DCAF6: variants seen among roughly 807,000 people sequenced by gnomAD.
The protein encoded by DCAF6 is DDB1 and CUL4 associated factor 6.
DCAF6 carries 54 observed loss-of-function variants against 125.1 expected under a neutral mutation model. That is an observed-to-expected ratio of 0.43 (90% CI 0.35 to 0.54). The LOEUF is 0.54. DCAF6 is among the 20% of genes least tolerant of loss of function. DCAF6 has a pLI of 0.01. For missense variants in DCAF6, 934 were observed against 1,161.7 expected (o/e 0.80, Z 2.85); for synonymous variants, 371 against 390.4 (o/e 0.95, Z 0.58).
intron 12 of DCAF6, among the ~76,000 whole-genome samples, chr1:168,033,304 C>CTTTTTTT (rs200401545): frequency 1.7e-5 from 2 of 119,790 alleles, no homozygotes; most frequent in Non-Finnish European, 3.4e-5. Context: ...TGAAAAGGAT[C>CTTTTTTT]TTTTTTTTTT....
Position 168,015,855 on chromosome 1 carries a change from C to CAG in DCAF6, c.1456_1457dup (p.Gln487GlyfsTer5). On this transcript the variant is annotated frameshift_variant, in exon 11 of 22. Transcript: ENST00000367840. LOFTEE classifies it high-confidence loss of function. Reference sequence around the variant, plus strand: ...ACTGAGGCTTAAGAAGGCTGAGCAGCAGAGGCAGCAAGAGCTAGCTGCACA... The same window carrying CAG: ...ACTGAGGCTTAAGAAGGCTGAGCAGCAGAGAGGCAGCAAGAGCTAGCTGCACA... The CAG allele has an allele frequency of 1.9e-6, 3 of 1,541,314 alleles. No homozygotes were observed. The highest frequency in any genetic ancestry group is 2.6e-6 in the Non-Finnish European group (3 of 1,142,326).
rs754963290 is a variant in DCAF6, at chr1:167,937,007, G to A, written c.96G>A (p.Leu32=). The change falls in exon 1 of 22, where the codon CTG becomes CTA. Residue 32 remains leucine (L), a splice_region_variant and synonymous_variant. Coordinates refer to ENST00000367840, the MANE Select transcript of DCAF6 (RefSeq NM_001198956.2). ...CGTCCCGGCTGCGGAGTCGCTACCT[G>A]GGTGAGCGGGGGCCCCGGGGCGGAG... is the stretch of plus-strand genomic sequence containing the variant. ...EDPSRLRSRY[L]GRREFIQRLK... 6.2e-7 allele frequency: 1 copy of A among 1,607,098 alleles called. No individual in the cohort carries two copies. Among genetic ancestry groups the A allele is most frequent in the South Asian group, 1.1e-5 (1 of 89,662 alleles).
intron 6 of DCAF6, among the ~76,000 whole-genome samples, chr1:167,992,353 A>G (rs1159868451): frequency 2.0e-5 from 3 of 152,166 alleles, no homozygotes; most frequent in Non-Finnish European, 4.4e-5. Flanking sequence ...TTGGGCAGAA[A>G]CCAACAATGT....
intron 12 of DCAF6, among the ~76,000 whole-genome samples, chr1:168,033,010 A>AT (rs201615768): frequency 0.024 from 3,550 of 147,234 alleles, 99 homozygotes; most frequent in African/African-American, 0.067. Flanking sequence ...AATACTCAGC[A>AT]TTTTTTTTTT....
rs1352921830 is a variant in DCAF6, at chr1:167,943,569, A to G, written c.97+6561A>G. ...ATGGGTACATATGCAGTTTTGTTAC[A>G]TGCATAGATTATGCTGCAGTCAAGT... is the stretch of plus-strand genomic sequence containing the variant. On this transcript the variant is annotated intron_variant, in intron 1 of 21. Coordinates refer to ENST00000367840, the MANE Select transcript of DCAF6 (RefSeq NM_001198956.2). Among the ~76,000 whole-genome samples the G allele has an allele frequency of 2.0e-5, 3 of 152,158 alleles. No individual in the cohort carries two copies. The East Asian group carries it at 5.8e-4, about 29-fold the overall frequency.
At position 168,044,571 on chromosome 1, in the gene DCAF6, T is replaced by C. The variant is rs1688929235; in HGVS notation, c.1844-14T>C. The C allele has an allele frequency of 1.9e-6, 3 of 1,586,996 alleles. No homozygotes were observed. Among genetic ancestry groups the C allele is most frequent in the Admixed American group, 1.7e-5 (1 of 59,618 alleles). On this transcript the variant is annotated splice_polypyrimidine_tract_variant and intron_variant, in intron 14 of 21. Coordinates refer to ENST00000367840, the MANE Select transcript of DCAF6 (RefSeq NM_001198956.2). The stretch of plus-strand genomic sequence containing the variant: ...TGGATACCAAGGGATGACTGTAATT[T>C]GGTTTACTTACAGAAGCTCCTGAAG...
At chr1:168,056,183 T>A (rs1690743735) in intron 17 of DCAF6, 1 of 1,609,198 alleles carries the variant, frequency 6.2e-7, no homozygotes, top group Admixed American at 1.7e-5. Context: ...AAACAACATC[T>A]CCCAACGCTT....
At chr1:167,978,590 GGA>G (rs1678603375) in intron 4 of DCAF6, among the ~76,000 whole-genome samples, 1 of 151,932 alleles carries the variant, frequency 6.6e-6, no homozygotes, top group Non-Finnish European at 1.5e-5. Context: ...TTAATTTATA[GGA>G]GTTTTTGAAA....
intron 11 of DCAF6, 72 bp from the exon 12 acceptor site, chr1:168,022,916 A>T: frequency 7.3e-7 from 1 of 1,360,632 alleles, no homozygotes; most frequent in Non-Finnish European, 1.0e-6. Flanking sequence ...TCTTAAGCTT[A>T]GAGATGATCA....
chr1:167,910,735 G>A, the DCAF6 span, among the ~76,000 whole-genome samples: 1 of 152,304 alleles, frequency 6.6e-6, no homozygotes, highest in South Asian at 2.1e-4. Flanking sequence ...CAGATGTGCT[G>A]AGTAGCCAGA....
At chr1:167,987,408 A>G in intron 4 of DCAF6, 87 bp from the exon 5 acceptor site, 1 of 693,930 alleles carries the variant, frequency 1.4e-6, no homozygotes, top group Non-Finnish European at 2.5e-6. Context: ...CTTTACCTTA[A>G]TCATTTTATG....
intron 10 of DCAF6, among the ~76,000 whole-genome samples, chr1:168,010,189 T>C (rs1326584394): frequency 6.6e-6 from 1 of 152,176 alleles, no homozygotes; most frequent in African/African-American, 2.4e-5. Context: ...TAGGACTGAG[T>C]AGATAATTGT....
the DCAF6 span, chr1:167,905,334 T>C: frequency 2.9e-6 from 2 of 693,386 alleles, no homozygotes; most frequent in Non-Finnish European, 5.0e-6. Flanking sequence ...GAGCCACACT[T>C]CAAAAGGGCC....
At chr1:168,063,486 G>A in intron 17 of DCAF6, 135 bp from the exon 18 acceptor site, 1 of 627,778 alleles carries the variant, frequency 1.6e-6, no homozygotes, top group Non-Finnish European at 2.4e-6. Flanking sequence ...GCGTTTTTAT[G>A]CTTTTGGTTG....
chr1:167,870,247 A>C, the DCAF6 span: 1 of 1,613,994 alleles, frequency 6.2e-7, no homozygotes, highest in East Asian at 2.2e-5. Flanking sequence ...AATCATTCCA[A>C]GACACTCACC....
At chr1:167,897,465 C>G in the DCAF6 span, among the ~76,000 whole-genome samples, 1 of 149,940 alleles carries the variant, frequency 6.7e-6, no homozygotes, top group African/African-American at 2.5e-5. Context: ...CCACCTCACT[C>G]CCCACTGGGT....
chr1:168,071,712 A>G (rs1693059862), intron 21 of DCAF6, among the ~76,000 whole-genome samples: 1 of 152,182 alleles, frequency 6.6e-6, no homozygotes, highest in Non-Finnish European at 1.5e-5. Flanking sequence ...AACACAAATT[A>G]GATACCACCC....
intron 17 of DCAF6, among the ~76,000 whole-genome samples, chr1:168,062,867 A>G (rs540510911): frequency 1.3e-5 from 2 of 151,686 alleles, no homozygotes; most frequent in African/African-American, 2.4e-5. Context: ...TCCATAAAGA[A>G]GATGCTATTT....
intron 5 of DCAF6, 50 bp downstream of exon 5, chr1:167,987,658 A>G: frequency 1.0e-6 from 1 of 953,984 alleles, no homozygotes; most frequent in East Asian, 2.6e-5. Context: ...TAAGGTTATA[A>G]TTAAAATTGG....
Sources: allele counts gnomAD v4.1 joint callset (sites outside exome capture counted in the v4.1 genomes callset), GRCh38; gene constraint gnomAD v4.1.1; transcripts MANE v1.5; gene names NCBI Gene and HGNC (gene_info 2026-07-23, HGNC 2026-07-21).